MAGI1: variants seen among roughly 807,000 people sequenced by gnomAD.
The protein encoded by MAGI1 is membrane associated guanylate kinase, WW and PDZ domain containing 1.
Under a neutral mutation model 139.9 loss-of-function variants are expected in MAGI1, and 58 were observed. The observed-to-expected ratio is 0.41, with a 90% confidence interval of 0.34 to 0.52. The LOEUF is 0.52. MAGI1 is among the 20% of genes least tolerant of loss of function. The probability of loss-of-function intolerance (pLI) is 0.12; values close to 1 mark genes in which losing one functional copy is unlikely to be tolerated. For synonymous variants in MAGI1, 812 were observed against 737.9 expected (o/e 1.10, Z -1.63); for missense variants, 1,874 against 1,901.6 (o/e 0.99, Z 0.27).
At chr3:65,380,177 A>C (rs1942929384) in intron 16 of MAGI1, among the ~76,000 whole-genome samples, 1 of 152,284 alleles carries the variant, frequency 6.6e-6, no homozygotes, top group East Asian at 1.9e-4. Flanking sequence ...CTCCTTCTGA[A>C]TTTAGTCACC....
chr3:65,373,136 C>T (rs1392216199), intron 18 of MAGI1, among the ~76,000 whole-genome samples: 1 of 152,190 alleles, frequency 6.6e-6, no homozygotes, highest in Admixed American at 6.5e-5. Flanking sequence ...CCTCACTATG[C>T]TTAATCATTT....
Position 65,429,929 on chromosome 3 carries a change from T to C in MAGI1, c.1758A>G (p.Gln586=), listed in dbSNP as rs1947341056. The C allele has an allele frequency of 5.6e-6, 9 of 1,614,048 alleles. No individual in the cohort carries two copies. The East Asian group carries it at 1.6e-4, about 28-fold the overall frequency. ...GGCTAGCTGGTGAATCATAGGTCTC[T>C]TGCCCATTCACAATAATTGGTTCTT... The part of the protein sequence containing the change: ...LDKEPIIVNG[Q]ETYDSPASHS... The change falls in exon 12 of 23, where the codon CAA becomes CAG. Residue 586 remains glutamine (Q), a synonymous_variant. Transcript: ENST00000402939.
At chr3:65,879,568 G>A (rs902754931) in intron 1 of MAGI1, among the ~76,000 whole-genome samples, 1 of 152,124 alleles carries the variant, frequency 6.6e-6, no homozygotes, top group Admixed American at 6.5e-5. Context: ...GCTCTACTAT[G>A]TGCTGGCTGT....
intron 2 of MAGI1, chr3:65,532,815 C>A (rs993027647): frequency 2.0e-5 from 3 of 152,204 alleles, no homozygotes; most frequent in African/African-American, 7.2e-5. Flanking sequence ...TATGATCATT[C>A]CCCTTTTCTT....
intron 2 of MAGI1, among the ~76,000 whole-genome samples, chr3:65,539,778 TAC>T (rs1412851402): frequency 6.6e-6 from 1 of 152,214 alleles, no homozygotes; most frequent in African/African-American, 2.4e-5. Flanking sequence ...TCAATATAAA[TAC>T]AGTTTACATA....
At chr3:65,579,561 A>T (rs2081323795) in intron 2 of MAGI1, among the ~76,000 whole-genome samples, 1 of 152,152 alleles carries the variant, frequency 6.6e-6, no homozygotes, top group Non-Finnish European at 1.5e-5. Context: ...GAACTCTCTC[A>T]CTGGCCGGAC....
chr3:65,809,629 G>C (rs767961202), intron 1 of MAGI1, among the ~76,000 whole-genome samples: 8 of 152,146 alleles, frequency 5.3e-5, no homozygotes, highest in African/African-American at 2.4e-5. Context: ...TCAAACTAAA[G>C]ATGGGACGCT....
intron 10 of MAGI1, among the ~76,000 whole-genome samples, chr3:65,432,728 T>C (rs1489528956): frequency 6.6e-6 from 1 of 152,060 alleles, no homozygotes; most frequent in Non-Finnish European, 1.5e-5. Flanking sequence ...AATTATCAGA[T>C]GGAAATTGAG....
chr3:65,795,032 A>G (rs1424584879), intron 1 of MAGI1, among the ~76,000 whole-genome samples: 3 of 152,184 alleles, frequency 2.0e-5, no homozygotes, highest in Non-Finnish European at 2.9e-5. Context: ...AAACAGGTAA[A>G]ATCAAAAACA....
chr3:65,968,669 A>G (rs1224502824), intron 1 of MAGI1, among the ~76,000 whole-genome samples: 1 of 151,908 alleles, frequency 6.6e-6, no homozygotes, highest in Non-Finnish European at 1.5e-5. Context: ...GTATACGTAT[A>G]AACAATTCTA....
intron 1 of MAGI1, among the ~76,000 whole-genome samples, chr3:65,733,037 CATT>C (rs902883966): frequency 1.3e-5 from 2 of 151,924 alleles, no homozygotes; most frequent in African/African-American, 4.8e-5. Context: ...TTTTTTCTGT[CATT>C]GTTGTGGGTT....
chr3:65,763,842 G>A (rs768747341), intron 1 of MAGI1, among the ~76,000 whole-genome samples: 2 of 151,898 alleles, frequency 1.3e-5, no homozygotes, highest in African/African-American at 2.4e-5. Context: ...AGGCTGAGGC[G>A]GGAGGATCAC....
intron 1 of MAGI1, among the ~76,000 whole-genome samples, chr3:66,002,707 G>A (rs1005905911): frequency 6.6e-6 from 1 of 151,960 alleles, no homozygotes; most frequent in Non-Finnish European, 1.5e-5. Flanking sequence ...GTAGAGACAG[G>A]GTTTCTCCAT....
chr3:65,522,288 T>C (rs2078198915), intron 2 of MAGI1, among the ~76,000 whole-genome samples: 1 of 152,208 alleles, frequency 6.6e-6, no homozygotes, highest in South Asian at 2.1e-4. Context: ...TATGCTGTGT[T>C]TACCCAACTC....
intron 1 of MAGI1, among the ~76,000 whole-genome samples, chr3:65,773,463 G>A (rs2038119454): frequency 6.6e-6 from 1 of 152,132 alleles, no homozygotes; most frequent in Non-Finnish European, 1.5e-5. Flanking sequence ...AGCCTGGGAG[G>A]TGGAGTTTGC....
At chr3:65,519,568 T>C (rs2107794686) in intron 2 of MAGI1, among the ~76,000 whole-genome samples, 2 of 152,132 alleles carry the variant, frequency 1.3e-5, no homozygotes, top group East Asian at 3.9e-4. Flanking sequence ...GTATTTTTAG[T>C]AGAGATAGGG....
At chr3:65,903,853 C>A (rs1178646034) in intron 1 of MAGI1, among the ~76,000 whole-genome samples, 2 of 151,876 alleles carry the variant, frequency 1.3e-5, no homozygotes, top group Admixed American at 1.3e-4. Flanking sequence ...ACTAAAAATA[C>A]AAAAATTAGC....
At chr3:65,637,548 T>C (rs2084696894) in intron 1 of MAGI1, among the ~76,000 whole-genome samples, 2 of 114,914 alleles carry the variant, frequency 1.7e-5, no homozygotes, top group East Asian at 2.4e-4. Context: ...TGAGACCCTG[T>C]CTCCAAAAAA....
intron 1 of MAGI1, among the ~76,000 whole-genome samples, chr3:65,985,677 C>A (rs2065844312): frequency 6.6e-6 from 1 of 152,114 alleles, no homozygotes; most frequent in Non-Finnish European, 1.5e-5. Context: ...TTACTAACTA[C>A]CTGTTTGGAG....
Sources: allele counts gnomAD v4.1 joint callset (sites outside exome capture counted in the v4.1 genomes callset), GRCh38; gene constraint gnomAD v4.1.1; transcripts MANE v1.5; gene names NCBI Gene and HGNC (gene_info 2026-07-23, HGNC 2026-07-21).